PPP1R15B: variants seen among roughly 807,000 people sequenced by gnomAD.
The protein encoded by PPP1R15B is protein phosphatase 1, regulatory (inhibitor) subunit 15B.
Under a neutral mutation model 53.9 loss-of-function variants are expected in PPP1R15B, and 31 were observed. That is an observed-to-expected ratio of 0.58 (90% confidence interval 0.43 to 0.78). The LOEUF is 0.78. Ranked by LOEUF, PPP1R15B falls within the 30% of genes least tolerant of loss-of-function variation. The pLI, the probability that PPP1R15B is intolerant of heterozygous loss-of-function variation, is 0.00. For synonymous variants in PPP1R15B, 345 were observed against 329.1 expected (o/e 1.05, Z -0.52); for missense variants, 928 against 849.6 (o/e 1.09, Z -1.15).
rs1352454716 is a variant in PPP1R15B, at chr1:204,405,627, A to T, written c.*465T>A. 1.6e-5 allele frequency: 16 copies of T among 982,818 alleles called. No homozygotes were observed. Among genetic ancestry groups the T allele is most frequent in the Non-Finnish European group, 1.6e-5 (13 of 827,476 alleles). The allele number at this position is 982,818 out of a possible 1,614,324, so 60.9% of individuals were successfully genotyped here. A position where few individuals can be genotyped will look rare whatever the true frequency, so the allele number is the denominator to read the frequency against. The stretch of plus-strand genomic sequence containing the variant: ...CAGGCCAAATCATTGAAATAAAAAA[A>T]ATATAGAAAAACATAAAAGCCCATT... On this transcript the variant is annotated 3_prime_UTR_variant, in exon 2 of 2. Coordinates refer to ENST00000367188, the MANE Select transcript of PPP1R15B (RefSeq NM_032833.5).
At chr1:204,395,966 CT>C (rs1273879879), downstream of PPP1R15B, among the ~76,000 whole-genome samples, 3 of 151,894 alleles carry the variant, frequency 2.0e-5, no homozygotes, top group Non-Finnish European at 4.4e-5. Flanking sequence ...TGAATTCATA[CT>C]TAAACAAGCC....
chr1:204,407,119 C>G lies in PPP1R15B; in HGVS notation c.1921-806G>C, dbSNP rs545472251. ...TTTTATCACTGCATAAAGGCTTTAA[C>G]AATATTTTTGCTTACTTCTATTCTT... is the stretch of plus-strand genomic sequence containing the variant. On this transcript the variant is annotated intron_variant, in intron 1 of 1. Coordinates refer to ENST00000367188, the MANE Select transcript of PPP1R15B (RefSeq NM_032833.5). 2.0e-5 allele frequency among the ~76,000 whole-genome samples: 3 copies of G among 152,298 alleles called. No individual in the cohort carries two copies. The South Asian group carries it at 6.2e-4, about 32-fold the overall frequency.
In PPP1R15B at chr1:204,404,503, C is replaced by CA. The variant is rs1674232020; in HGVS notation, c.*1588dup. ...CTGTCTCAAAAAAAAAAGAAAAAAA[C>CA]AAAAAACACACAGAATAAGGGCTCT... is the stretch of plus-strand genomic sequence containing the variant. On this transcript the variant is annotated 3_prime_UTR_variant, in exon 2 of 2. Coordinates refer to ENST00000367188, the MANE Select transcript of PPP1R15B (RefSeq NM_032833.5). 1.0e-6 allele frequency: 1 copy of CA among 982,714 alleles called. No homozygotes were observed. Among genetic ancestry groups the CA allele is most frequent in the Non-Finnish European group, 1.2e-6 (1 of 827,580 alleles). 60.9% of individuals were successfully genotyped at this position (982,714 alleles called of 1,614,324 possible).
Position 204,405,937 on chromosome 1 carries a change from A to C in PPP1R15B, c.*155T>G. 1.4e-6 allele frequency: 2 copies of C among 1,422,208 alleles called. No individual in the cohort carries two copies. Among genetic ancestry groups the C allele is most frequent in the East Asian group, 5.1e-5 (2 of 39,404 alleles). 88.1% of individuals were successfully genotyped at this position (1,422,208 alleles called of 1,614,324 possible). A position where few individuals can be genotyped will look rare whatever the true frequency, so the allele number is the denominator to read the frequency against. On this transcript the variant is annotated 3_prime_UTR_variant, in exon 2 of 2. Transcript: ENST00000367188. ...CTGGCTTCAAACCTGAATGTTTCTG[A>C]GTGGGATATGTTGCAAAAAAAAAAA...
chr1:204,411,641 A>C lies in PPP1R15B; in HGVS notation c.-230T>G. On this transcript the variant is annotated 5_prime_UTR_variant, in exon 1 of 2. The change abolishes an upstream ATG in the 5' untranslated region. Coordinates refer to ENST00000367188, the MANE Select transcript of PPP1R15B (RefSeq NM_032833.5). ...ATAGGCGGCGACTGATGCGACTTCC[A>C]TCCTGGCGGGGAAGGAGGTTCCCTA... The C allele has an allele frequency of 1.7e-6, 1 of 602,032 alleles. No individual in the cohort carries two copies. The highest frequency in any genetic ancestry group is 2.9e-6 in the Non-Finnish European group (1 of 342,960). 37.3% of individuals were successfully genotyped at this position (602,032 alleles called of 1,614,324 possible). A position where few individuals can be genotyped will look rare whatever the true frequency, so the allele number is the denominator to read the frequency against.
chr1:204,410,540 G>A lies in PPP1R15B; in HGVS notation c.872C>T (p.Pro291Leu), dbSNP rs1245560777. 1 of 1,614,052 alleles carries A rather than the reference G, an allele frequency of 6.2e-7. No individual in the cohort carries two copies. Among genetic ancestry groups the A allele is most frequent in the African/African-American group, 1.3e-5 (1 of 74,922 alleles). The change falls in exon 1 of 2, where the codon CCA (proline) becomes CTA (leucine). Residue 291 changes from proline to leucine, a missense_variant. Transcript: ENST00000367188. ...GCPPLSTEGL[P>L]EIHHLRMKRL... ...TTTCATGCGAAGATGGTGAATTTCT[G>A]GTAGGCCTTCCGTAGAAAGAGGTGG... is the stretch of plus-strand genomic sequence containing the variant.
Position 204,404,375 on chromosome 1 carries a change from C to G in PPP1R15B, c.*1717G>C. The stretch of plus-strand genomic sequence containing the variant: ...TGGTGTGTGCCTGTAATCCCAGCTA[C>G]TCGGGAGGCTGAGGCAGGAGAATCG... On this transcript the variant is annotated 3_prime_UTR_variant, in exon 2 of 2. Transcript: ENST00000367188. The G allele has an allele frequency of 2.1e-6, 1 of 484,128 alleles. No homozygotes were observed. The highest frequency in any genetic ancestry group is 2.7e-6 in the Non-Finnish European group (1 of 372,560). The allele number at this position is 484,128 out of a possible 1,614,324, so 30.0% of individuals were successfully genotyped here. A position where few individuals can be genotyped will look rare whatever the true frequency, so the allele number is the denominator to read the frequency against.
downstream of PPP1R15B, among the ~76,000 whole-genome samples, chr1:204,400,368 C>T (rs1004842503): frequency 2.4e-4 from 36 of 151,354 alleles, no homozygotes; most frequent in African/African-American, 8.7e-4. Context: ...ATTTTTGAGA[C>T]AGGGTCTCAC....
chr1:204,410,559 G>C lies in PPP1R15B; in HGVS notation c.853C>G (p.Leu285Val). The stretch of plus-strand genomic sequence containing the variant: ...ATTTCTGGTAGGCCTTCCGTAGAAA[G>C]AGGTGGACATCCCTGCCACGAGGCC... ...IPASWQGCPPLSTEGLPEIHH... is the reference protein window; with the variant it reads ...IPASWQGCPPVSTEGLPEIHH... Residue 285 changes from leucine (L) to valine (V), a missense_variant, in exon 1 of 2, where the codon CTT becomes GTT. Leu to Val is a conservative substitution (Grantham distance 32, BLOSUM62 1). Transcript: ENST00000367188. The C allele has an allele frequency of 1.9e-6, 3 of 1,614,122 alleles. No homozygotes were observed. Among genetic ancestry groups the C allele is most frequent in the East Asian group, 4.5e-5 (2 of 44,890 alleles).
chr1:204,399,348 C>A (rs900865082), downstream of PPP1R15B, among the ~76,000 whole-genome samples: 1 of 152,060 alleles, frequency 6.6e-6, no homozygotes, highest in South Asian at 2.1e-4. Context: ...AGCTCATGAG[C>A]CCAAGAGTTC....
chr1:204,411,203 A>C lies in PPP1R15B; in HGVS notation c.209T>G (p.Leu70Arg), dbSNP rs749306576. The part of the protein sequence containing the change: ...VSYWTKLLSQ[L>R]LAPLPGLLQK... The stretch of plus-strand genomic sequence containing the variant: ...AAGCAATCCGGGGAGCGGCGCAAGG[A>C]GCTGGGAGAGCAGTTTCGTCCAGTA... The change falls in exon 1 of 2, where the codon CTC (leucine) becomes CGC (arginine). Residue 70 changes from leucine to arginine, a missense_variant. Coordinates refer to ENST00000367188, the MANE Select transcript of PPP1R15B (RefSeq NM_032833.5). 3.3e-5 allele frequency: 53 copies of C among 1,614,068 alleles called. No individual in the cohort carries two copies. The highest frequency in any genetic ancestry group is 4.3e-5 in the Non-Finnish European group (51 of 1,180,030).
rs1303534042 is a variant in PPP1R15B, at chr1:204,411,380, C to G, written c.32G>C (p.Arg11Pro). MEPGTGGSRKRLGPRAGFRFW... is the reference protein window; with the variant it reads MEPGTGGSRKPLGPRAGFRFW... ...CCGGAAGCCCGCCCGAGGGCCAAGC[C>G]GTTTCCGCGATCCGCCTGTCCCCGG... Residue 11 changes from arginine to proline, a missense_variant, in exon 1 of 2, where the codon CGG becomes CCG. Transcript: ENST00000367188. The G allele has an allele frequency of 6.2e-7, 1 of 1,613,038 alleles. No individual in the cohort carries two copies. Among genetic ancestry groups the G allele is most frequent in the Non-Finnish European group, 8.5e-7 (1 of 1,179,988 alleles).
chr1:204,399,584 AACAAAT>A (rs1674143773), downstream of PPP1R15B, among the ~76,000 whole-genome samples: 1 of 152,056 alleles, frequency 6.6e-6, no homozygotes, highest in Non-Finnish European at 1.5e-5. Flanking sequence ...GTTGTTATTC[AACAAAT>A]ATTTATTGAC....
In PPP1R15B at chr1:204,411,237, G is replaced by A. The variant is rs767827698; in HGVS notation, c.175C>T (p.Arg59Trp). The stretch of plus-strand genomic sequence containing the variant: ...AGCAGTTTCGTCCAGTAACTGACCC[G>A]AGTCTCGGGCTGGGCAGAGGAAAGC... The part of the protein sequence containing the change: ...TLLSSAQPET[R>W]VSYWTKLLSQ... Residue 59 changes from arginine (R) to tryptophan (W), a missense_variant, in exon 1 of 2, where the codon CGG (arginine) becomes TGG (tryptophan). By Grantham distance (101) the Arg-to-Trp change is moderately radical. Transcript: ENST00000367188. 15 of 1,614,234 alleles carry A rather than the reference G, an allele frequency of 9.3e-6. No homozygotes were observed. The highest frequency in any genetic ancestry group is 2.2e-5 in the East Asian group (1 of 44,890).
In PPP1R15B at chr1:204,405,478, A is replaced by C. The variant is rs1674248944; in HGVS notation, c.*614T>G. The stretch of plus-strand genomic sequence containing the variant: ...AAATATCCTAGGTAGAACTTAATGT[A>C]GAAATAAAAAGGCTACCACATATTT... On this transcript the variant is annotated 3_prime_UTR_variant, in exon 2 of 2. Transcript: ENST00000367188. 2 of 983,748 alleles carry C rather than the reference A, an allele frequency of 2.0e-6. No individual in the cohort carries two copies. The highest frequency in any genetic ancestry group is 2.4e-6 in the Non-Finnish European group (2 of 828,404). The allele number at this position is 983,748 out of a possible 1,614,324, so 60.9% of individuals were successfully genotyped here.
chr1:204,399,192 C>T (rs1303521613), downstream of PPP1R15B, among the ~76,000 whole-genome samples: 1 of 152,124 alleles, frequency 6.6e-6, no homozygotes, highest in Admixed American at 6.5e-5. Context: ...CTTTGGGAGG[C>T]CAAGGCAGGA....
At chr1:204,401,362 T>C (rs764522903), downstream of PPP1R15B, among the ~76,000 whole-genome samples, 3 of 152,204 alleles carry the variant, frequency 2.0e-5, no homozygotes, top group Non-Finnish European at 4.4e-5. Flanking sequence ...AAGGAAAAGA[T>C]TGGTGTTTTG....
downstream of PPP1R15B, among the ~76,000 whole-genome samples, chr1:204,400,236 C>CAAAA (rs369757663): frequency 8.1e-6 from 1 of 123,036 alleles, no homozygotes; most frequent in Non-Finnish European, 1.6e-5. Flanking sequence ...GACACTGTCT[C>CAAAA]AAAAAAAAAA....
rs1437325314 is a variant in PPP1R15B, at chr1:204,403,751, GT to G, written c.*2340del. On this transcript the variant is annotated 3_prime_UTR_variant, in exon 2 of 2. Coordinates refer to ENST00000367188, the MANE Select transcript of PPP1R15B (RefSeq NM_032833.5). ...AGATTTTCTCTTTAAGATTACGGGG[GT>G]TTAACTTTGTTCTAACTAGAATTGG... 5 of 985,300 alleles carry G rather than the reference GT, an allele frequency of 5.1e-6. No homozygotes were observed. The highest frequency in any genetic ancestry group is 6.0e-6 in the Non-Finnish European group (5 of 829,554). The allele number at this position is 985,300 out of a possible 1,614,324, so 61.0% of individuals were successfully genotyped here.
Sources: gnomAD v4.1 joint callset for allele counts (sites outside exome capture counted in the v4.1 genomes callset) on GRCh38, gnomAD v4.1.1 for gene constraint, MANE v1.5 for transcripts, NCBI Gene and HGNC (gene_info 2026-07-23, HGNC 2026-07-21) for gene names.